Variants in PRRC2B observed in about 807,000 individuals in gnomAD.
The protein encoded by PRRC2B is proline rich coiled-coil 2B.
PRRC2B carries 68 observed loss-of-function variants against 242.3 expected under a neutral mutation model. The observed-to-expected ratio is 0.28, with a 90% CI of 0.23 to 0.34. The LOEUF is 0.34. Ranked by LOEUF, PRRC2B falls within the 10% of genes least tolerant of loss-of-function variation. PRRC2B has a pLI of 1.00. For missense variants in PRRC2B, 2,835 were observed against 2,954.8 expected (o/e 0.96, Z 0.94); for synonymous variants, 1,228 against 1,173.6 (o/e 1.05, Z -0.95).
intron 1 of PRRC2B, among the ~76,000 whole-genome samples, chr9:131,414,618 T>C (rs540757557): frequency 6.7e-6 from 1 of 149,912 alleles, no homozygotes; most frequent in South Asian, 2.2e-4. Flanking sequence ...TCGCCCAGAC[T>C]GGAGTGTAGT....
chr9:131,476,929 G>A (rs1296253898), intron 16 of PRRC2B, among the ~76,000 whole-genome samples: 1 of 152,194 alleles, frequency 6.6e-6, no homozygotes, highest in African/African-American at 2.4e-5. Context: ...AGGGGGCATC[G>A]CTGGCCTCGT....
chr9:131,396,839 G>A (rs928931014), intron 1 of PRRC2B, among the ~76,000 whole-genome samples: 5 of 152,168 alleles, frequency 3.3e-5, no homozygotes, highest in Non-Finnish European at 7.3e-5. Context: ...TAAGAAGCAG[G>A]AGACAGACTG....
In PRRC2B at chr9:131,455,238, C is replaced by T. The variant is rs905400886; in HGVS notation, c.1211+72C>T. The T allele has an allele frequency of 1.3e-5, 14 of 1,089,568 alleles. No individual in the cohort carries two copies. In the African/African-American group the frequency reaches 1.7e-4, roughly 14 times the overall value. The allele number at this position is 1,089,568 out of a possible 1,614,324, so 67.5% of individuals were successfully genotyped here. A position where few individuals can be genotyped will look rare whatever the true frequency, so the allele number is the denominator to read the frequency against. ...GTGTTGTTGTGTACCCAGAGCATTT[C>T]CCAGTTTCCATAGCAACCTGGAATG... On this transcript the variant is annotated intron_variant, in intron 10 of 31. Transcript: ENST00000683519.
intron 11 of PRRC2B, among the ~76,000 whole-genome samples, chr9:131,459,703 C>G (rs1943186717): frequency 6.6e-6 from 1 of 151,758 alleles, no homozygotes; most frequent in Non-Finnish European, 1.5e-5. Flanking sequence ...ACACCTGGCT[C>G]ATTTCATTCA....
At chr9:131,410,885 T>C (rs923539244) in intron 1 of PRRC2B, among the ~76,000 whole-genome samples, 20 of 152,204 alleles carry the variant, frequency 1.3e-4, no homozygotes, top group Non-Finnish European at 1.9e-4. Flanking sequence ...TTTTCTGATT[T>C]CTTAACTTGG....
At chr9:131,484,847 G>A in intron 24 of PRRC2B, 57 bp downstream of exon 24, 2 of 1,564,636 alleles carry the variant, frequency 1.3e-6, no homozygotes, top group Non-Finnish European at 8.7e-7. Context: ...TTACAAAGAG[G>A]CAGAAGGGAG....
At chr9:131,440,348 TCA>T (rs1253896849) in intron 5 of PRRC2B, among the ~76,000 whole-genome samples, 2 of 152,112 alleles carry the variant, frequency 1.3e-5, no homozygotes, top group African/African-American at 4.8e-5. Flanking sequence ...TCTTGCTTTG[TCA>T]CACAGGCTGG....
intron 1 of PRRC2B, among the ~76,000 whole-genome samples, chr9:131,374,414 AAAG>A (rs1836657431): frequency 6.6e-6 from 1 of 152,266 alleles, no homozygotes; most frequent in African/African-American, 2.4e-5. Flanking sequence ...TATTCTAAAA[AAAG>A]AAAAAAGTCA....
Position 131,495,822 on chromosome 9 carries a change from G to C in PRRC2B, c.6638G>C (p.Arg2213Pro). The C allele has an allele frequency of 6.2e-7, 1 of 1,612,822 alleles. No individual in the cohort carries two copies. The highest frequency in any genetic ancestry group is 8.5e-7 in the Non-Finnish European group (1 of 1,178,992). The change falls in exon 32 of 32, where the codon CGA becomes CCA. Residue 2213 changes from arginine to proline, a missense_variant. Arg to Pro is a moderately radical substitution (Grantham distance 103). This residue lies in a region of PRRC2B where 574 missense variants were observed against 626.0 expected (regional missense o/e 0.92). Coordinates refer to ENST00000683519, the MANE Select transcript of PRRC2B (RefSeq NM_013318.4). ...CCCTCGGCTGCCTCCCAGATGAAGC[G>C]AACCGGAGCGATCAAGCCTCGGGCT... ...EAPSAASQMK[R>P]TGAIKPRAVK...
intron 5 of PRRC2B, among the ~76,000 whole-genome samples, chr9:131,439,396 G>A (rs763413299): frequency 1.3e-5 from 2 of 152,192 alleles, no homozygotes; most frequent in African/African-American, 2.4e-5. Context: ...GAGAGTGGTC[G>A]TGGTGTGGGC....
intron 19 of PRRC2B, among the ~76,000 whole-genome samples, chr9:131,479,640 C>T (rs945911592): frequency 2.0e-5 from 3 of 152,210 alleles, no homozygotes; most frequent in African/African-American, 7.2e-5. Flanking sequence ...ATTCATTAGT[C>T]TGGTGATCTG....
intron 29 of PRRC2B, among the ~76,000 whole-genome samples, chr9:131,491,903 C>G (rs572795020): frequency 2.6e-5 from 4 of 152,266 alleles, no homozygotes; most frequent in African/African-American, 7.2e-5. Flanking sequence ...AGAAGAAGCC[C>G]TCTTGAGTCT....
chr9:131,450,348 A>G (rs1297291221), intron 9 of PRRC2B, among the ~76,000 whole-genome samples: 2 of 151,512 alleles, frequency 1.3e-5, no homozygotes, highest in Non-Finnish European at 2.9e-5. Flanking sequence ...ACTCATTGCA[A>G]CCTCCGCCTC....
chr9:131,426,367 G>GA (rs1236522899), intron 1 of PRRC2B, among the ~76,000 whole-genome samples: 1 of 139,654 alleles, frequency 7.2e-6, no homozygotes, highest in Admixed American at 7.1e-5. Flanking sequence ...AAAAGAAAAA[G>GA]AAAAAAAGAA....
chr9:131,399,911 T>C (rs972419175), intron 1 of PRRC2B, among the ~76,000 whole-genome samples: 3 of 152,148 alleles, frequency 2.0e-5, no homozygotes, highest in Non-Finnish European at 2.9e-5. Context: ...AGAGAAACTG[T>C]AGGGAGCATC....
In PRRC2B at chr9:131,446,661, CTT is replaced by C. The variant is rs144613968; in HGVS notation, c.855+25_855+26del. On this transcript the variant is annotated intron_variant, in intron 7 of 31. Transcript: ENST00000683519. The surrounding 1 kb of genome is among the most constrained non-coding windows in gnomAD (Gnocchi z 4.1). ...TGCTTTTGTAAGTCTTCAGAGTGTA[CTT>C]TTTTTCCCCCCATGAAGTTGGATTG... is the stretch of plus-strand genomic sequence containing the variant. The C allele has an allele frequency of 5.0e-6, 8 of 1,612,134 alleles. No homozygotes were observed. The African/African-American group carries it at 1.1e-4, about 21-fold the overall frequency.
At chr9:131,483,060 T>G (rs1302007602) in intron 22 of PRRC2B, among the ~76,000 whole-genome samples, 153 bp downstream of exon 22, 1 of 152,198 alleles carries the variant, frequency 6.6e-6, no homozygotes, top group African/African-American at 2.4e-5. Flanking sequence ...TGTGGAGTCC[T>G]GCACATGGCC....
Position 131,478,631 on chromosome 9 carries a change from AG to A in PRRC2B, c.4758+15del, listed in dbSNP as rs775053757. Reference sequence around the variant, plus strand: ...AGCAGGCCGTGCAGGTGAGGGGCGGAGGGTGGGGGGGCATGGGGCTGGAGGG... The same window carrying A: ...AGCAGGCCGTGCAGGTGAGGGGCGGAGGTGGGGGGGCATGGGGCTGGAGGG... On this transcript the variant is annotated intron_variant, in intron 18 of 31. Transcript: ENST00000683519. 1.0e-5 allele frequency: 2 copies of A among 200,894 alleles called. No homozygotes were observed. The highest frequency in any genetic ancestry group is 4.3e-5 in the South Asian group (1 of 23,464). The allele number at this position is 200,894 out of a possible 1,614,324, so 12.4% of individuals were successfully genotyped here. A position where few individuals can be genotyped will look rare whatever the true frequency, so the allele number is the denominator to read the frequency against.
At position 131,499,397 on chromosome 9, in the gene PRRC2B, A is replaced by G. The variant is rs1195764995; in HGVS notation, c.*3523A>G. On this transcript the variant is annotated 3_prime_UTR_variant, in exon 32 of 32. Transcript: ENST00000683519. The stretch of plus-strand genomic sequence containing the variant: ...ATTTGTCCCTTTTCACTTCCTGCAG[A>G]ACAAGCCTGGGTTAGAGGGTCTGCT... 3.9e-5 allele frequency: 6 copies of G among 152,216 alleles called. No homozygotes were observed. Among genetic ancestry groups the G allele is most frequent in the Admixed American group, 6.5e-5 (1 of 15,288 alleles). The allele number at this position is 152,216 out of a possible 1,614,324, so 9.4% of individuals were successfully genotyped here. A position where few individuals can be genotyped will look rare whatever the true frequency, so the allele number is the denominator to read the frequency against.
Sources: gnomAD v4.1 joint callset for allele counts (sites outside exome capture counted in the v4.1 genomes callset) on GRCh38, gnomAD v4.1.1 for gene constraint, gnomAD v4.1.1 regional missense constraint, Gnocchi (gnomAD v3.1) non-coding constraint, MANE v1.5 for transcripts, NCBI Gene and HGNC (gene_info 2026-07-23, HGNC 2026-07-21) for gene names.